Variants in KCNIP1 observed in about 807,000 individuals in gnomAD.
KCNIP1 encodes potassium voltage-gated channel interacting protein 1.
KCNIP1 carries 18 observed loss-of-function variants against 33.0 expected under a neutral mutation model. The observed-to-expected ratio is 0.55, with a 90% CI of 0.38 to 0.81. KCNIP1 has a LOEUF of 0.81. Among genes scored for constraint, KCNIP1 ranks in the 30% least tolerant of loss-of-function variants. The pLI, the probability that KCNIP1 is intolerant of heterozygous loss-of-function variation, is 0.00. For missense variants in KCNIP1, 238 were observed against 271.6 expected, an observed-to-expected ratio of 0.88 and a Z score of 0.87; for synonymous variants, 93 against 98.3, an observed-to-expected ratio of 0.95 and a Z score of 0.32.
At chr5:170,362,611 C>T (rs546533510) in intron 1 of KCNIP1, among the ~76,000 whole-genome samples, 61 of 152,116 alleles carry the variant, frequency 4.0e-4, no homozygotes, top group Non-Finnish European at 8.1e-4. Context: ...GGAAACACCA[C>T]CCAGCAAGAT....
intron 1 of KCNIP1, among the ~76,000 whole-genome samples, chr5:170,674,572 A>G (rs1762058439): frequency 6.6e-6 from 1 of 152,156 alleles, no homozygotes; most frequent in Non-Finnish European, 1.5e-5. Flanking sequence ...GAACCCTAGT[A>G]GGGGAGGGGG....
intron 1 of KCNIP1, among the ~76,000 whole-genome samples, chr5:170,665,952 C>A (rs1273471103): frequency 6.6e-6 from 1 of 152,192 alleles, no homozygotes; most frequent in Non-Finnish European, 1.5e-5. Context: ...CCTATCACTG[C>A]TGATGGTGAC....
intron 1 of KCNIP1, among the ~76,000 whole-genome samples, chr5:170,450,117 CCACCCCACCCT>C (rs1756213586): frequency 6.7e-6 from 1 of 148,194 alleles, no homozygotes; most frequent in African/African-American, 2.5e-5. Flanking sequence ...GCCCGACCCC[CCACCCCACCCT>C]CACCCCACCC....
In KCNIP1 at chr5:170,489,463, G is replaced by A. The variant is rs1757161908; in HGVS notation, c.88+135499G>A. ...CCTCAGTGTCCTGGAAAGGCCCCAGGGCTGCCCCAACCCCTGACCTCTCTC... is the reference window on the plus strand; with the variant it reads ...CCTCAGTGTCCTGGAAAGGCCCCAGAGCTGCCCCAACCCCTGACCTCTCTC... On this transcript the variant is annotated intron_variant, in intron 1 of 7. Transcript: ENST00000377360. The surrounding 1 kb of genome is among the most constrained non-coding windows in gnomAD (Gnocchi z 4.3). Among the ~76,000 whole-genome samples, 1 of 150,554 alleles carries A rather than the reference G, an allele frequency of 6.6e-6. No individual in the cohort carries two copies. Among genetic ancestry groups the A allele is most frequent in the Non-Finnish European group, 1.5e-5 (1 of 67,290 alleles).
chr5:170,579,141 C>T lies in KCNIP1; in HGVS notation c.61+74508C>T, dbSNP rs540867319. On this transcript the variant is annotated intron_variant, in intron 1 of 7. Coordinates refer to ENST00000328939, the MANE Select transcript of KCNIP1 (RefSeq NM_014592.4). ...CTCTTCAAATTTTTCTCTTTCCATC[C>T]ATATTCACTACCTTCCTATGTACAA... is the stretch of plus-strand genomic sequence containing the variant. Among the ~76,000 whole-genome samples, 16 of 152,282 alleles carry T rather than the reference C, an allele frequency of 1.1e-4. No homozygotes were observed. In the East Asian group the frequency reaches 3.1e-3, roughly 29 times the overall value.
At chr5:170,404,819 G>A (rs576851865) in intron 1 of KCNIP1, among the ~76,000 whole-genome samples, 4 of 152,164 alleles carry the variant, frequency 2.6e-5, no homozygotes, top group Non-Finnish European at 5.9e-5. Context: ...TCAGGACTGC[G>A]TGAAGTTTTT....
chr5:170,562,605 C>A lies in KCNIP1; in HGVS notation c.61+57972C>A, dbSNP rs552116668. Among the ~76,000 whole-genome samples, 6 of 152,350 alleles carry A rather than the reference C, an allele frequency of 3.9e-5. No homozygotes were observed. The South Asian group carries it at 8.3e-4, about 21-fold the overall frequency. On this transcript the variant is annotated intron_variant, in intron 1 of 7. Coordinates refer to ENST00000328939, the MANE Select transcript of KCNIP1 (RefSeq NM_014592.4). ...TATTTTGCAAAAGCCTTTCCCAAAG[C>A]CTGGCATCCAATGGGTGCCTCATTT...
chr5:170,661,120 T>C (rs1761467625), intron 1 of KCNIP1, among the ~76,000 whole-genome samples: 1 of 152,188 alleles, frequency 6.6e-6, no homozygotes. Flanking sequence ...TTGATCACCC[T>C]GTCAGCCACC....
intron 1 of KCNIP1, chr5:170,385,299 G>C (rs2071156): frequency 6.2e-7 from 1 of 1,613,618 alleles, no homozygotes; most frequent in Non-Finnish European, 8.5e-7. Flanking sequence ...TGGGCAGGCC[G>C]GGAGAGCTCA....
chr5:170,360,876 C>A (rs549430652), intron 1 of KCNIP1, among the ~76,000 whole-genome samples: 3 of 152,220 alleles, frequency 2.0e-5, no homozygotes, highest in Admixed American at 6.5e-5. Context: ...CCCTGCCGAG[C>A]AACATCAGGC....
At chr5:170,583,128 T>A (rs1009800460) in intron 1 of KCNIP1, among the ~76,000 whole-genome samples, 1 of 152,162 alleles carries the variant, frequency 6.6e-6, no homozygotes, top group African/African-American at 2.4e-5. Context: ...TCCCAGCCCA[T>A]CTTCCTGACA....
At chr5:170,549,229 C>T (rs765203089) in intron 1 of KCNIP1, among the ~76,000 whole-genome samples, 4 of 152,162 alleles carry the variant, frequency 2.6e-5, no homozygotes, top group Non-Finnish European at 5.9e-5. Flanking sequence ...GGATTAAATT[C>T]CTAAGTTCTT....
rs113452885 is a variant in KCNIP1, at chr5:170,510,021, C to T, written c.61+5388C>T. On this transcript the variant is annotated intron_variant, in intron 1 of 7. Transcript: ENST00000328939. ...TCACTTAGCCAGTCCCACAATTGTC[C>T]TTCAGCATTGCTTCCCTGCCTAAGA... is the stretch of plus-strand genomic sequence containing the variant. Among the ~76,000 whole-genome samples, 1,305 of 152,302 alleles carry T rather than the reference C, an allele frequency of 8.6e-3. 12 individuals carry two copies. The highest frequency in any genetic ancestry group is 0.029 in the African/African-American group (1,206 of 41,556).
chr5:170,630,421 G>C (rs751842274), intron 1 of KCNIP1, among the ~76,000 whole-genome samples: 1 of 152,200 alleles, frequency 6.6e-6, no homozygotes, highest in Non-Finnish European at 1.5e-5. Flanking sequence ...GTGGGCCAGG[G>C]AACCAGGGAA....
At chr5:170,539,938 G>A (rs905824060) in intron 1 of KCNIP1, among the ~76,000 whole-genome samples, 4 of 152,156 alleles carry the variant, frequency 2.6e-5, no homozygotes, top group Admixed American at 2.0e-4. Flanking sequence ...AAATAAAAAT[G>A]TATCCTTTCC....
Position 170,683,100 on chromosome 5 carries a change from GGGGATTTAA to G in KCNIP1, c.62-35655_62-35647del, listed in dbSNP as rs1762415564. On this transcript the variant is annotated intron_variant, in intron 1 of 7. Coordinates refer to ENST00000328939, the MANE Select transcript of KCNIP1 (RefSeq NM_014592.4). ...CATTCATCTAATGTTATAGCAATGA[GGGGATTTAA>G]GGTGAAAGGTAGAGAACATATGTTG... Among the ~76,000 whole-genome samples the G allele has an allele frequency of 9.2e-5, 14 of 152,238 alleles. No individual in the cohort carries two copies. In the South Asian group the frequency reaches 2.9e-3, roughly 32 times the overall value.
At chr5:170,682,766 G>A (rs777262813) in intron 1 of KCNIP1, among the ~76,000 whole-genome samples, 41 of 118,660 alleles carry the variant, frequency 3.5e-4, no homozygotes, top group African/African-American at 5.0e-4. Flanking sequence ...ATGCAACAGC[G>A]TCCTATTTTC....
At chr5:170,378,030 G>A (rs887466729) in intron 1 of KCNIP1, 1 of 151,894 alleles carries the variant, frequency 6.6e-6, no homozygotes, top group South Asian at 2.1e-4. Flanking sequence ...AAAAGCAAAC[G>A]AAACACACCC....
At chr5:170,535,216 G>T (rs1002250130) in intron 1 of KCNIP1, among the ~76,000 whole-genome samples, 2 of 152,150 alleles carry the variant, frequency 1.3e-5, no homozygotes, top group Non-Finnish European at 2.9e-5. Context: ...GAGACGTTAG[G>T]AGGGAGGCCG....
Sources: allele counts gnomAD v4.1 joint callset (sites outside exome capture counted in the v4.1 genomes callset), GRCh38; gene constraint gnomAD v4.1.1; non-coding constraint Gnocchi (gnomAD v3.1); transcripts MANE v1.5; gene names NCBI Gene and HGNC (gene_info 2026-07-23, HGNC 2026-07-21).